The following RPS6KA2 variants were observed in gnomAD, a reference collection of about 807,000 sequenced individuals.
RPS6KA2 encodes the protein ribosomal protein S6 kinase alpha-2.
In RPS6KA2, 42 loss-of-function variants were observed where a neutral mutation model predicts 91.8. That is an observed-to-expected ratio of 0.46 (90% CI 0.36 to 0.59). The LOEUF (loss-of-function observed/expected upper bound fraction) is 0.59. Ranked by LOEUF, RPS6KA2 falls within the 20% of genes least tolerant of loss-of-function variation. RPS6KA2 has a pLI of 0.00. For missense variants in RPS6KA2, 798 were observed against 978.5 expected (o/e 0.82, Z 2.46); for synonymous variants, 414 against 393.6 (o/e 1.05, Z -0.61).
intron 17 of RPS6KA2, among the ~76,000 whole-genome samples, chr6:166,422,301 G>A (rs568824326): frequency 1.5e-4 from 23 of 152,246 alleles, no homozygotes; most frequent in African/African-American, 5.1e-4. Context: ...CTGCACATCC[G>A]TTCACGTCTC....
At chr6:166,483,312 C>T (rs1020318252) in intron 10 of RPS6KA2, among the ~76,000 whole-genome samples, 1 of 152,186 alleles carries the variant, frequency 6.6e-6, no homozygotes, top group African/African-American at 2.4e-5. Context: ...GGGTCTAGAA[C>T]TCAGAATCCG....
intron 2 of RPS6KA2, among the ~76,000 whole-genome samples, chr6:166,802,643 C>A (rs1779397164): frequency 6.6e-6 from 1 of 152,142 alleles, no homozygotes; most frequent in Non-Finnish European, 1.5e-5. Flanking sequence ...GTGATGGGCT[C>A]CCCCAGTTTG....
chr6:166,659,729 G>T (rs1248089458), intron 2 of RPS6KA2, among the ~76,000 whole-genome samples: 1 of 152,122 alleles, frequency 6.6e-6, no homozygotes, highest in Non-Finnish European at 1.5e-5. Flanking sequence ...GCGCTGGACG[G>T]CGTGGTGGCT....
chr6:166,481,631 T>C (rs141646370), intron 10 of RPS6KA2, among the ~76,000 whole-genome samples: 66 of 152,246 alleles, frequency 4.3e-4, no homozygotes, highest in African/African-American at 1.6e-3. Flanking sequence ...TGCTGAGTTC[T>C]CTGATGAGAT....
chr6:166,412,997 C>T lies in RPS6KA2; in HGVS notation c.2077-110G>A. On this transcript the variant is annotated intron_variant, in intron 20 of 20. Transcript: ENST00000265678. This position sits in a 1 kb window ranked among gnomAD's most constrained non-coding sequence, Gnocchi z 4.3. ...TGCCCCCAGGCAACGTGGGAGAAAC[C>T]AGAGCTTCCCCAGGGTCCCTGGAGC... 5 of 1,191,788 alleles carry T rather than the reference C, an allele frequency of 4.2e-6. No individual in the cohort carries two copies. In the South Asian group the frequency reaches 6.5e-5, roughly 16 times the overall value. 73.8% of individuals were successfully genotyped at this position (1,191,788 alleles called of 1,614,324 possible).
chr6:166,705,796 T>A (rs973662971), intron 2 of RPS6KA2, among the ~76,000 whole-genome samples: 3 of 152,178 alleles, frequency 2.0e-5, no homozygotes, highest in African/African-American at 7.2e-5. Flanking sequence ...TTACTAGCAA[T>A]TATCCTCACC....
intron 10 of RPS6KA2, among the ~76,000 whole-genome samples, chr6:166,472,492 A>G (rs1780808882): frequency 1.3e-5 from 2 of 152,190 alleles, no homozygotes; most frequent in Non-Finnish European, 2.9e-5. Context: ...CCCTCAGCAA[A>G]AAGAGTCAAC....
chr6:166,626,870 A>C lies in RPS6KA2; in HGVS notation c.99+51T>G. 2.2e-6 allele frequency: 3 copies of C among 1,381,370 alleles called. No homozygotes were observed. The highest frequency in any genetic ancestry group is 2.8e-6 in the Non-Finnish European group (3 of 1,053,776). 85.6% of individuals were successfully genotyped at this position (1,381,370 alleles called of 1,614,324 possible). A position where few individuals can be genotyped will look rare whatever the true frequency, so the allele number is the denominator to read the frequency against. The stretch of plus-strand genomic sequence containing the variant: ...GGTGGCGAGGCGGGCTCGGGCGACC[A>C]CGGCCCGCTCAGTGCCCGGCACCTG... On this transcript the variant is annotated intron_variant, in intron 1 of 20. Transcript: ENST00000265678. The surrounding 1 kb of genome is among the most constrained non-coding windows in gnomAD (Gnocchi z 4.1).
chr6:166,810,198 A>G (rs1290082093), intron 2 of RPS6KA2, among the ~76,000 whole-genome samples: 6 of 152,168 alleles, frequency 3.9e-5, no homozygotes, highest in Admixed American at 3.3e-4. Flanking sequence ...CCTGTGATCC[A>G]ATCACCTCCA....
At chr6:166,496,028 C>T (rs1781772790) in intron 8 of RPS6KA2, among the ~76,000 whole-genome samples, 1 of 152,334 alleles carries the variant, frequency 6.6e-6, no homozygotes, top group Middle Eastern at 3.4e-3. Flanking sequence ...CTTTCAGCTT[C>T]TCCATTTGTC....
intron 2 of RPS6KA2, among the ~76,000 whole-genome samples, chr6:166,839,712 GGA>G (rs1391676631): frequency 7.5e-6 from 1 of 132,452 alleles, no homozygotes; most frequent in African/African-American, 2.9e-5. Flanking sequence ...GGAGAGGAGA[GGA>G]GAGGCGGCAC....
chr6:166,496,927 C>T (rs550921365), intron 8 of RPS6KA2, among the ~76,000 whole-genome samples: 1 of 152,356 alleles, frequency 6.6e-6, no homozygotes, highest in African/African-American at 2.4e-5. Flanking sequence ...GCAAAACCTG[C>T]ACCAGCGTGG....
At chr6:166,428,145 C>T (rs1346459632) in intron 16 of RPS6KA2, among the ~76,000 whole-genome samples, 72 of 151,904 alleles carry the variant, frequency 4.7e-4, no homozygotes, top group Non-Finnish European at 8.5e-4. Context: ...TCAGAAATAA[C>T]GCCGCTTATC....
At chr6:166,541,636 C>T in intron 1 of RPS6KA2, among the ~76,000 whole-genome samples, 1 of 152,228 alleles carries the variant, frequency 6.6e-6, no homozygotes, top group East Asian at 1.9e-4. Context: ...CCTTCCTCAG[C>T]ACTTCCAAAT....
At chr6:166,588,585 G>A (rs1481486617) in intron 1 of RPS6KA2, among the ~76,000 whole-genome samples, 1 of 152,160 alleles carries the variant, frequency 6.6e-6, no homozygotes, top group African/African-American at 2.4e-5. Flanking sequence ...TCTCGCTCTG[G>A]CTGATTTTGC....
chr6:166,592,634 C>A (rs1425607235), intron 1 of RPS6KA2, among the ~76,000 whole-genome samples: 1 of 151,774 alleles, frequency 6.6e-6, no homozygotes, highest in Non-Finnish European at 1.5e-5. Flanking sequence ...GGGACAGAAG[C>A]ACAGAAAGGG....
chr6:166,772,056 G>A (rs1778487690), intron 2 of RPS6KA2, among the ~76,000 whole-genome samples: 1 of 152,150 alleles, frequency 6.6e-6, no homozygotes. Context: ...TTAATAACTG[G>A]CAAGAATACA....
intron 2 of RPS6KA2, among the ~76,000 whole-genome samples, chr6:166,661,988 A>C (rs1240402386): frequency 6.6e-6 from 1 of 152,056 alleles, no homozygotes; most frequent in Non-Finnish European, 1.5e-5. Flanking sequence ...AGGATGTTTT[A>C]CTCCAGTTCA....
chr6:166,541,743 A>C (rs1783662836), intron 1 of RPS6KA2, among the ~76,000 whole-genome samples: 1 of 152,120 alleles, frequency 6.6e-6, no homozygotes, highest in Non-Finnish European at 1.5e-5. Flanking sequence ...TAACGTTTCG[A>C]ATCAAAGCCT....
Sources: allele counts gnomAD v4.1 joint callset (sites outside exome capture counted in the v4.1 genomes callset), GRCh38; gene constraint gnomAD v4.1.1; non-coding constraint Gnocchi (gnomAD v3.1); transcripts MANE v1.5; gene names NCBI Gene and HGNC (gene_info 2026-07-23, HGNC 2026-07-21).